Variants in STT3A observed in about 807,000 individuals in gnomAD.
STT3A encodes the protein STT3 oligosaccharyltransferase complex catalytic subunit A, also known as dolichyl-diphosphooligosaccharide--protein glycosyltransferase subunit STT3A.
In STT3A, 34 loss-of-function variants were observed where a neutral mutation model predicts 89.2. That is an observed-to-expected ratio of 0.38 (90% confidence interval 0.29 to 0.51). The LOEUF (loss-of-function observed/expected upper bound fraction) is 0.51, where lower values mean the gene tolerates loss of function less well. STT3A is among the 20% of genes least tolerant of loss of function. STT3A has a pLI of 0.89. For synonymous variants in STT3A, 282 were observed against 310.3 expected, an observed-to-expected ratio of 0.91 and a Z score of 0.96; for missense variants, 555 against 889.5, an observed-to-expected ratio of 0.62 and a Z score of 4.78.
chr11:125,618,207 C>A (rs942392740), intron 15 of STT3A, among the ~76,000 whole-genome samples, 166 bp from the exon 16 acceptor site: 1 of 152,170 alleles, frequency 6.6e-6, no homozygotes, highest in Admixed American at 6.5e-5. Flanking sequence ...TATATTTTGA[C>A]GAAAAATGCT....
rs564039937 is a variant in STT3A at position 125,592,926 on chromosome 11, G to C, written c.-36+8G>C. 1.7e-5 allele frequency: 3 copies of C among 174,398 alleles called. No individual in the cohort carries two copies. The Admixed American group carries it at 1.8e-4, about 10-fold the overall frequency. 10.8% of individuals were successfully genotyped at this position (174,398 alleles called of 1,614,324 possible). ...TTTAGGAAAGCCGGCCAGGTGAGAA[G>C]GCCGTAGAACGTAACTTGAAAATCA... is the stretch of plus-strand genomic sequence containing the variant. On this transcript the variant is annotated splice_region_variant and intron_variant, in intron 1 of 17. Coordinates refer to ENST00000392708, the MANE Select transcript of STT3A (RefSeq NM_152713.5).
upstream of STT3A, among the ~76,000 whole-genome samples, chr11:125,592,072 G>C (rs922237978): frequency 6.6e-6 from 1 of 152,192 alleles, no homozygotes; most frequent in South Asian, 2.1e-4. Flanking sequence ...AAGCATGGCC[G>C]GGCTGCCTCC....
In STT3A at chr11:125,608,162, G is replaced by A. The variant is rs1398122173; in HGVS notation, c.834G>A (p.Gln278=). ...MAAFGVFGLC[Q]IHAFVDYLRS... ...CCTTTGGGGTCTTTGGTCTCTGCCA[G>A]ATCCATGCCTTTGTGGATTACCTGC... The change falls in exon 9 of 18, where the codon CAG becomes CAA. Residue 278 remains glutamine, a synonymous_variant. Transcript: ENST00000392708. 6.2e-7 allele frequency: 1 copy of A among 1,614,006 alleles called. No individual in the cohort carries two copies. Among genetic ancestry groups the A allele is most frequent in the African/African-American group, 1.3e-5 (1 of 74,916 alleles).
chr11:125,596,750 G>C (rs1340325640), intron 2 of STT3A, among the ~76,000 whole-genome samples: 1 of 152,124 alleles, frequency 6.6e-6, no homozygotes, highest in African/African-American at 2.4e-5. Context: ...TATGGTGGGG[G>C]AGTCAGCGTA....
chr11:125,603,439 G>A lies in STT3A; in HGVS notation c.417+491G>A, dbSNP rs568495124. The A allele has an allele frequency of 2.6e-5, 4 of 155,094 alleles. No individual in the cohort carries two copies. The East Asian group carries it at 7.6e-4, about 30-fold the overall frequency. The allele number at this position is 155,094 out of a possible 1,614,324, so 9.6% of individuals were successfully genotyped here. A position where few individuals can be genotyped will look rare whatever the true frequency, so the allele number is the denominator to read the frequency against. The stretch of plus-strand genomic sequence containing the variant: ...TCCAGGTTTCAGCATTGCTGACCTT[G>A]GCTCCCTGGGTGCTATTCTTAGTTT... On this transcript the variant is annotated intron_variant, in intron 5 of 17. Transcript: ENST00000392708.
At chr11:125,609,931 T>C (rs916122864) in intron 10 of STT3A, 8 of 230,254 alleles carry the variant, frequency 3.5e-5, no homozygotes, top group African/African-American at 1.1e-4. Context: ...CTTGGAAGTA[T>C]TGAAGTCCCA....
At chr11:125,605,834 C>G (rs986461284) in intron 7 of STT3A, 99 bp downstream of exon 7, 7 of 1,036,578 alleles carry the variant, frequency 6.8e-6, no homozygotes, top group Non-Finnish European at 9.8e-6. Flanking sequence ...TGGTAGGTTC[C>G]CCTAAATTTT....
rs760379692 is a variant in STT3A at position 125,620,128 on chromosome 11, T to C, written c.2079+2T>C. 3 of 1,611,990 alleles carry C rather than the reference T, an allele frequency of 1.9e-6. No homozygotes were observed. The highest frequency in any genetic ancestry group is 1.7e-6 in the Non-Finnish European group (2 of 1,178,568). On this transcript the variant is annotated splice_donor_variant, in intron 17 of 17. Coordinates refer to ENST00000392708, the MANE Select transcript of STT3A (RefSeq NM_152713.5). LOFTEE classifies it high-confidence loss of function. Reference sequence around the variant, plus strand: ...CATTGGCTGGTCAGGATATACAAGGTAAGCAGATGCTATACGTCTCAGAAA... The same window carrying C: ...CATTGGCTGGTCAGGATATACAAGGCAAGCAGATGCTATACGTCTCAGAAA...
intron 16 of STT3A, 29 bp from the exon 17 acceptor site, chr11:125,619,982 G>A: frequency 6.3e-7 from 1 of 1,580,486 alleles, no homozygotes; most frequent in Non-Finnish European, 8.7e-7. Context: ...ACTGTAGAAA[G>A]AAGTGTGTTC....
chr11:125,620,031 C>A lies in STT3A; in HGVS notation c.1984C>A (p.Arg662Ser). ...TCTAGAGCGTCCTCCAGGCTTTGAC[C>A]GTGTCCGAAATGCTGAGATTGGGAA... ...TEAKRPPGFD[R>S]VRNAEIGNKD... The change falls in exon 17 of 18, where the codon CGT becomes AGT. Residue 662 changes from arginine (R) to serine (S), a missense_variant. Physicochemically the swap from Arg to Ser is moderately radical, Grantham distance 110. Around this residue, in one of 5 missense-constraint regions of STT3A, gnomAD observed 273 missense variants for 449.8 expected, o/e 0.61. Transcript: ENST00000392708. The A allele has an allele frequency of 6.2e-7, 1 of 1,614,020 alleles. No individual in the cohort carries two copies. Among genetic ancestry groups the A allele is most frequent in the South Asian group, 1.1e-5 (1 of 91,068 alleles).
At chr11:125,597,231 A>ATAATT in intron 3 of STT3A, 112 bp downstream of exon 3, 1 of 1,099,840 alleles carries the variant, frequency 9.1e-7, no homozygotes. Context: ...CTTTCAGTAC[A>ATAATT]TTTAAGGGAA....
In STT3A at chr11:125,602,897, C is replaced by A. The variant is rs1939727838; in HGVS notation, c.366C>A (p.Leu122=). ...ATGTCTGTGTGTTCCTGGCCCCTCTCTTCTCCTCCTTCACCACCATCGTCA... is the reference window on the plus strand; with the variant it reads ...ATGTCTGTGTGTTCCTGGCCCCTCTATTCTCCTCCTTCACCACCATCGTCA... ...IRNVCVFLAP[L]FSSFTTIVTY... is the part of the protein sequence containing the mutation. Residue 122 remains leucine, a synonymous_variant, in exon 5 of 18, where the codon CTC becomes CTA. Coordinates refer to ENST00000392708, the MANE Select transcript of STT3A (RefSeq NM_152713.5). 1 of 1,614,182 alleles carries A rather than the reference C, an allele frequency of 6.2e-7. No homozygotes were observed. The highest frequency in any genetic ancestry group is 1.7e-5 in the Admixed American group (1 of 60,026).
At chr11:125,592,516 G>C (rs557821094), upstream of STT3A, 2 of 454,378 alleles carry the variant, frequency 4.4e-6, no homozygotes, top group East Asian at 7.0e-5. Flanking sequence ...GTCACATGAC[G>C]GGAGTCAGTG....
intron 3 of STT3A, among the ~76,000 whole-genome samples, chr11:125,599,140 C>G (rs892822005): frequency 1.3e-5 from 2 of 152,176 alleles, no homozygotes; most frequent in African/African-American, 4.8e-5. Flanking sequence ...CTCACTCTGC[C>G]TCTCCTACTG....
chr11:125,595,606 A>C (rs1222453457), intron 1 of STT3A, among the ~76,000 whole-genome samples: 1 of 151,430 alleles, frequency 6.6e-6, no homozygotes, highest in African/African-American at 2.4e-5. Flanking sequence ...AATTGTGCTT[A>C]TGTACTTGTT....
intron 6 of STT3A, among the ~76,000 whole-genome samples, chr11:125,605,370 ATTTAC>A (rs1378995566): frequency 1.3e-5 from 2 of 152,164 alleles, no homozygotes; most frequent in African/African-American, 2.4e-5. Flanking sequence ...AATGGCCAAT[ATTTAC>A]TTAATGTTTA....
chr11:125,609,374 T>C lies in STT3A; in HGVS notation c.962-60T>C. 2.0e-6 allele frequency: 3 copies of C among 1,487,350 alleles called. No homozygotes were observed. In the South Asian group the frequency reaches 4.3e-5, roughly 21 times the overall value. 92.1% of individuals were successfully genotyped at this position (1,487,350 alleles called of 1,614,324 possible). On this transcript the variant is annotated intron_variant, in intron 9 of 17. Transcript: ENST00000392708. ...ATTAAAATGGGAAGTTGTGATTCAT[T>C]TGGATCAGATGTTTGTTTGAAGAGT...
intron 4 of STT3A, 99 bp from the exon 5 acceptor site, chr11:125,602,704 A>C (rs1017883593): frequency 3.0e-5 from 44 of 1,489,140 alleles, no homozygotes; most frequent in Non-Finnish European, 3.7e-5. Flanking sequence ...TGATTTGTCA[A>C]GACTTACATA....
rs1201784826 is a variant in STT3A at position 125,613,049 on chromosome 11, A to C, written c.1426A>C (p.Thr476Pro). Residue 476 changes from threonine (T) to proline (P), a missense_variant, in exon 13 of 18, where the codon ACC becomes CCC. This residue lies in a region of STT3A where 273 missense variants were observed against 449.8 expected (regional missense o/e 0.61). Coordinates refer to ENST00000392708, the MANE Select transcript of STT3A (RefSeq NM_152713.5). The surrounding 1 kb of genome is among the most constrained non-coding windows in gnomAD (Gnocchi z 4.2). Reference protein sequence around the residue: ...FFLITYTFHSTWVTSEAYSSP... With the variant: ...FFLITYTFHSPWVTSEAYSSP... ...TCTCATCACCTACACCTTTCATTCA[A>C]CCTGGGTGACCAGTGAGGCCTACTC... 1.2e-6 allele frequency: 2 copies of C among 1,614,160 alleles called. No homozygotes were observed.
Sources: allele counts gnomAD v4.1 joint callset (sites outside exome capture counted in the v4.1 genomes callset), GRCh38; gene constraint gnomAD v4.1.1; regional missense constraint gnomAD v4.1.1; non-coding constraint Gnocchi (gnomAD v3.1); transcripts MANE v1.5; gene names NCBI Gene and HGNC (gene_info 2026-07-23, HGNC 2026-07-21).